Variants in LPP observed in about 807,000 individuals in gnomAD.
LPP encodes the protein LIM domain containing preferred translocation partner in lipoma, also known as lipoma-preferred partner.
In LPP, 38 loss-of-function variants were observed where a neutral mutation model predicts 60.4. The ratio of observed to expected loss-of-function variants is 0.63; its 90% CI spans 0.49 to 0.83. The LOEUF is 0.83. LPP is among the 40% of genes least tolerant of loss of function. The probability of loss-of-function intolerance (pLI) is 0.00; values close to 1 mark genes in which losing one functional copy is unlikely to be tolerated. For missense variants in LPP, 902 were observed against 783.6 expected (o/e 1.15, Z -1.80); for synonymous variants, 328 against 290.8 (o/e 1.13, Z -1.30).
At chr3:188,694,442 C>T (rs1354430696) in intron 7 of LPP, among the ~76,000 whole-genome samples, 2 of 152,124 alleles carry the variant, frequency 1.3e-5, no homozygotes, top group Non-Finnish European at 2.9e-5. Flanking sequence ...GTGGCTCATG[C>T]CTGTAATCCC....
At chr3:188,219,456 A>G (rs1714973321) in intron 1 of LPP, among the ~76,000 whole-genome samples, 1 of 152,110 alleles carries the variant, frequency 6.6e-6, no homozygotes. Context: ...CTCTGAAGTC[A>G]TAGCCAGGGA....
At chr3:188,231,023 G>A (rs529585883) in intron 2 of LPP, among the ~76,000 whole-genome samples, 4 of 152,154 alleles carry the variant, frequency 2.6e-5, no homozygotes, top group Non-Finnish European at 5.9e-5. Context: ...TTGCCGTGTA[G>A]GGCTCTCTAT....
intron 2 of LPP, among the ~76,000 whole-genome samples, chr3:188,273,589 CTT>C (rs11380757): frequency 5.0e-5 from 4 of 80,420 alleles, no homozygotes; most frequent in South Asian, 1.1e-3. Context: ...TATTTTATAT[CTT>C]TTTTTTTTTT....
At chr3:188,451,116 G>C (rs1218083549) in intron 4 of LPP, among the ~76,000 whole-genome samples, 1 of 152,012 alleles carries the variant, frequency 6.6e-6, no homozygotes, top group African/African-American at 2.4e-5. Context: ...TAAAGCATTA[G>C]GATTCTTGTT....
chr3:188,605,981 G>A (rs1036790135), intron 6 of LPP, among the ~76,000 whole-genome samples: 1 of 152,070 alleles, frequency 6.6e-6, no homozygotes, highest in Non-Finnish European at 1.5e-5. Context: ...ATCATTTATC[G>A]GGTAGGGAGC....
intron 2 of LPP, among the ~76,000 whole-genome samples, chr3:188,255,359 A>G (rs1225183950): frequency 3.9e-5 from 6 of 152,192 alleles, no homozygotes. Flanking sequence ...TGTTCACAGA[A>G]CTGAGACTCA....
chr3:188,428,249 G>A (rs1789974976), intron 4 of LPP, among the ~76,000 whole-genome samples: 1 of 152,124 alleles, frequency 6.6e-6, no homozygotes, highest in Non-Finnish European at 1.5e-5. Context: ...TGCACCCACT[G>A]TCTAACCAGT....
chr3:188,276,028 G>A (rs1739557545), intron 2 of LPP, among the ~76,000 whole-genome samples: 1 of 152,188 alleles, frequency 6.6e-6, no homozygotes, highest in Non-Finnish European at 1.5e-5. Flanking sequence ...GCCTGCTGTA[G>A]TTACCATTTG....
chr3:188,377,463 C>G (rs1257147464), intron 3 of LPP, among the ~76,000 whole-genome samples: 1 of 152,182 alleles, frequency 6.6e-6, no homozygotes, highest in African/African-American at 2.4e-5. Context: ...ATTTTGTCGT[C>G]CATCACTTAT....
rs116907367 is a variant in LPP, at chr3:188,484,677, T to A, written c.279T>A (p.Pro93=). 5 of 1,613,098 alleles carry A rather than the reference T, an allele frequency of 3.1e-6. No individual in the cohort carries two copies. In the East Asian group the frequency reaches 8.9e-5, roughly 29 times the overall value. ...CTGGAAACTTTCCTCCTCCACCACCTCTTGATGAAGAGGCTTTCAAAGTAC... is the reference window on the plus strand; with the variant it reads ...CTGGAAACTTTCCTCCTCCACCACCACTTGATGAAGAGGCTTTCAAAGTAC... The part of the protein sequence containing the change: ...SISGNFPPPP[P]LDEEAFKVQG... The change falls in exon 5 of 12, where the codon CCT becomes CCA. Residue 93 remains proline, a synonymous_variant. Coordinates refer to ENST00000617246, the MANE Select transcript of LPP (RefSeq NM_001375462.1).
At chr3:188,531,539 G>C (rs1822177622) in intron 6 of LPP, among the ~76,000 whole-genome samples, 2 of 151,880 alleles carry the variant, frequency 1.3e-5, no homozygotes, top group Admixed American at 6.6e-5. Flanking sequence ...ATGAGAAAGG[G>C]GCTAGAGATT....
intron 9 of LPP, among the ~76,000 whole-genome samples, chr3:188,865,826 G>T (rs912736262): frequency 1.3e-5 from 2 of 152,100 alleles, no homozygotes; most frequent in Non-Finnish European, 2.9e-5. Flanking sequence ...TTAGAGAAAA[G>T]TTTGCCATCA....
intron 6 of LPP, among the ~76,000 whole-genome samples, chr3:188,533,065 A>G (rs1156366755): frequency 6.6e-6 from 1 of 152,172 alleles, no homozygotes; most frequent in Non-Finnish European, 1.5e-5. Flanking sequence ...GCAATAATGT[A>G]TGAGGCAACC....
Position 188,887,630 on chromosome 3 carries a change from ATAGT to A in LPP, c.*13154_*13157del, listed in dbSNP as rs1045251842. 3.3e-5 allele frequency: 7 copies of A among 214,382 alleles called. No homozygotes were observed. The highest frequency in any genetic ancestry group is 2.8e-4 in the East Asian group (4 of 14,470). The allele number at this position is 214,382 out of a possible 1,614,324, so 13.3% of individuals were successfully genotyped here. On this transcript the variant is annotated 3_prime_UTR_variant, in exon 12 of 12. Transcript: ENST00000617246. ...ACATATCAGGATTATAGTGCCAAAA[ATAGT>A]TAAAGTGCCTTGGTCCTCCCTCTGT...
At chr3:188,779,928 C>T (rs915352629) in intron 9 of LPP, among the ~76,000 whole-genome samples, 1 of 151,806 alleles carries the variant, frequency 6.6e-6, no homozygotes, top group Non-Finnish European at 1.5e-5. Context: ...TTGAGCCTAA[C>T]GAACAGATTT....
chr3:188,156,004 G>T (rs887232777), intron 1 of LPP, among the ~76,000 whole-genome samples: 16 of 152,090 alleles, frequency 1.1e-4, no homozygotes, highest in African/African-American at 3.9e-4. Context: ...GACAGAGGGA[G>T]ACTGCCTCTC....
chr3:188,327,537 C>T (rs1578127706), intron 2 of LPP, among the ~76,000 whole-genome samples: 1 of 152,112 alleles, frequency 6.6e-6, no homozygotes, highest in South Asian at 2.1e-4. Flanking sequence ...ATAAGTGGAG[C>T]AGTAGTGGAG....
At chr3:188,290,546 C>T (rs145443747) in intron 2 of LPP, among the ~76,000 whole-genome samples, 110 of 152,192 alleles carry the variant, frequency 7.2e-4, no homozygotes, top group African/African-American at 2.5e-3. Flanking sequence ...CTACAGCCAC[C>T]GAGAAGGACA....
chr3:188,454,568 C>A (rs1797307932), intron 4 of LPP, among the ~76,000 whole-genome samples: 1 of 152,054 alleles, frequency 6.6e-6, no homozygotes, highest in Non-Finnish European at 1.5e-5. Context: ...TGTATTAGTT[C>A]ATTTTCACGC....
Sources: gnomAD v4.1 joint callset for allele counts (sites outside exome capture counted in the v4.1 genomes callset) on GRCh38, gnomAD v4.1.1 for gene constraint, MANE v1.5 for transcripts, NCBI Gene and HGNC (gene_info 2026-07-23, HGNC 2026-07-21) for gene names.